The following LAMA2 variants were observed in gnomAD, a reference collection of about 807,000 sequenced individuals.
LAMA2 encodes laminin subunit alpha-2.
LAMA2 carries 269 observed loss-of-function variants against 364.8 expected under a neutral mutation model. That is an observed-to-expected ratio of 0.74 (90% CI 0.67 to 0.82). LAMA2 has a LOEUF of 0.82. Among genes scored for constraint, LAMA2 ranks in the 40% least tolerant of loss-of-function variants. LAMA2 has a pLI of 0.00. For synonymous variants in LAMA2, 1,379 were observed against 1,370.6 expected (o/e 1.01, Z -0.14); for missense variants, 3,807 against 3,873.2 (o/e 0.98, Z 0.45).
At chr6:128,916,048 A>G (rs1778291437) in intron 1 of LAMA2, among the ~76,000 whole-genome samples, 2 of 152,320 alleles carry the variant, frequency 1.3e-5, no homozygotes, top group African/African-American at 4.8e-5. Context: ...CTAATTATTT[A>G]CATGTTGGCT....
At chr6:129,103,363 C>T (rs982671925) in intron 4 of LAMA2, among the ~76,000 whole-genome samples, 47 of 152,186 alleles carry the variant, frequency 3.1e-4, no homozygotes, top group Admixed American at 1.3e-3. Flanking sequence ...CACATTCCCT[C>T]ATCCAGCTAT....
intron 1 of LAMA2, among the ~76,000 whole-genome samples, chr6:128,936,003 G>T (rs1222680977): frequency 1.3e-5 from 2 of 152,122 alleles, no homozygotes; most frequent in African/African-American, 4.8e-5. Flanking sequence ...GTGATAGTGA[G>T]TGAGTTCTCA....
At chr6:129,308,998 A>G (rs1408013217) in intron 22 of LAMA2, among the ~76,000 whole-genome samples, 3 of 152,222 alleles carry the variant, frequency 2.0e-5, no homozygotes, top group Admixed American at 2.0e-4. Flanking sequence ...ACTGGGGATT[A>G]TATTTTAACA....
At chr6:129,297,917 C>T in intron 21 of LAMA2, 52 bp downstream of exon 21, 1 of 1,465,964 alleles carries the variant, frequency 6.8e-7, no homozygotes. Flanking sequence ...GTTTTAGGGT[C>T]TGACTTCTGT....
chr6:129,144,296 T>A (rs138297892), intron 5 of LAMA2, among the ~76,000 whole-genome samples: 148 of 152,136 alleles, frequency 9.7e-4, no homozygotes, highest in Middle Eastern at 3.4e-3. Flanking sequence ...ATGTGTAACA[T>A]TTATCAAACA....
At chr6:129,441,050 A>G (rs888016331) in intron 43 of LAMA2, 52 bp downstream of exon 43, 1 of 1,491,502 alleles carries the variant, frequency 6.7e-7, no homozygotes, top group African/African-American at 1.4e-5. Flanking sequence ...TCTCACTGTA[A>G]AAGTATCCCA....
intron 61 of LAMA2, among the ~76,000 whole-genome samples, chr6:129,506,077 G>A (rs1786046131): frequency 1.3e-5 from 2 of 152,058 alleles, no homozygotes; most frequent in South Asian, 4.2e-4. Flanking sequence ...ATTGGGTTGG[G>A]CATGGTGGCT....
rs1382963598 is a variant in LAMA2 at position 129,328,419 on chromosome 6, C to T, written c.4311+7C>T. The T allele has an allele frequency of 3.7e-6, 6 of 1,613,990 alleles. No homozygotes were observed. In the Admixed American group the frequency reaches 8.3e-5, roughly 22 times the overall value. On this transcript the variant is annotated splice_region_variant and intron_variant, in intron 29 of 64. Transcript: ENST00000421865. ...TGAAACATCGATATGCCAGGTAGTC[C>T]TCTGAGCCTTCCTTGAACAAGGTCC...
chr6:128,929,220 G>T (rs1262495488), intron 1 of LAMA2: 4 of 1,487,546 alleles, frequency 2.7e-6, no homozygotes, highest in Admixed American at 1.7e-5. Context: ...CGCCTTCTGA[G>T]CTTCTTCCTC....
At chr6:129,138,309 G>C (rs1777921699) in intron 4 of LAMA2, among the ~76,000 whole-genome samples, 2 of 151,924 alleles carry the variant, frequency 1.3e-5, no homozygotes, top group African/African-American at 4.8e-5. Flanking sequence ...AGCAGTATTA[G>C]AATTAATAAA....
Position 129,256,727 on chromosome 6 carries a change from A to G in LAMA2, c.2097-3984A>G, listed in dbSNP as rs1390950129. 2.1e-5 allele frequency among the ~76,000 whole-genome samples: 3 copies of G among 145,252 alleles called. No individual in the cohort carries two copies. In the Admixed American group the frequency reaches 2.1e-4, roughly 10 times the overall value. The stretch of plus-strand genomic sequence containing the variant: ...GGGATTGAAAATGTTTAAAGAAAAT[A>G]TCTTGCTATATATATATAAAAAACA... On this transcript the variant is annotated intron_variant, in intron 14 of 64. Transcript: ENST00000421865.
intron 53 of LAMA2, 84 bp downstream of exon 53, chr6:129,475,485 C>A: frequency 2.2e-6 from 2 of 928,480 alleles, no homozygotes; most frequent in Non-Finnish European, 1.7e-6. Context: ...CGTGCAGAAG[C>A]AGAGCAACAC....
intron 21 of LAMA2, among the ~76,000 whole-genome samples, chr6:129,298,333 G>T (rs1773336782): frequency 6.6e-6 from 1 of 151,772 alleles, no homozygotes; most frequent in Admixed American, 6.6e-5. Flanking sequence ...TCTACTTTTG[G>T]CTGCCTTGAA....
intron 22 of LAMA2, among the ~76,000 whole-genome samples, chr6:129,302,254 T>G (rs1043705196): frequency 6.6e-6 from 1 of 152,164 alleles, no homozygotes; most frequent in African/African-American, 2.4e-5. Flanking sequence ...TTGTTTGCAT[T>G]TATTTAATGC....
chr6:128,938,040 G>C (rs1251069979), intron 1 of LAMA2, among the ~76,000 whole-genome samples: 2 of 151,870 alleles, frequency 1.3e-5, no homozygotes, highest in African/African-American at 4.8e-5. Context: ...TTGACCCATT[G>C]GTCATTTTGG....
chr6:129,158,410 G>A (rs1290823799), intron 8 of LAMA2: 10 of 1,613,722 alleles, frequency 6.2e-6, no homozygotes, highest in African/African-American at 1.3e-5. Flanking sequence ...CCAACTTGCC[G>A]GACCATCTGA....
chr6:129,509,609 C>T (rs1367989279), intron 62 of LAMA2, among the ~76,000 whole-genome samples: 1 of 152,096 alleles, frequency 6.6e-6, no homozygotes, highest in Non-Finnish European at 1.5e-5. Context: ...ATTGAAGAGA[C>T]TGTCCTTTCC....
At chr6:129,129,057 C>A (rs575172409) in intron 4 of LAMA2, among the ~76,000 whole-genome samples, 1 of 152,168 alleles carries the variant, frequency 6.6e-6, no homozygotes, top group African/African-American at 2.4e-5. Context: ...GGAGGAAATA[C>A]GTGGCCAGGC....
intron 1 of LAMA2, among the ~76,000 whole-genome samples, chr6:128,911,614 G>C (rs1777964051): frequency 6.6e-6 from 1 of 152,196 alleles, no homozygotes; most frequent in Admixed American, 6.5e-5. Flanking sequence ...CGCTCACGCT[G>C]GGAGCTGTAG....
Sources: gnomAD v4.1 joint callset for allele counts (sites outside exome capture counted in the v4.1 genomes callset) on GRCh38, gnomAD v4.1.1 for gene constraint, MANE v1.5 for transcripts, NCBI Gene and HGNC (gene_info 2026-07-23, HGNC 2026-07-21) for gene names.